The following KIAA1217 variants were observed in gnomAD, a reference collection of about 807,000 sequenced individuals.
KIAA1217 encodes KIAA1217, also known as sickle tail protein homolog.
Under a neutral mutation model 163.9 loss-of-function variants are expected in KIAA1217, and 88 were observed. That is an observed-to-expected ratio of 0.54 (90% confidence interval 0.45 to 0.64). KIAA1217 has a LOEUF of 0.64. KIAA1217 is among the 30% of genes least tolerant of loss of function. KIAA1217 has a pLI of 0.00. For missense variants in KIAA1217, 2,372 were observed against 2,475.0 expected (o/e 0.96, Z 0.88); for synonymous variants, 903 against 923.1 (o/e 0.98, Z 0.39).
chr10:23,827,797 C>T lies in KIAA1217; in HGVS notation c.-321+132563C>T, dbSNP rs548024039. On this transcript the variant is annotated intron_variant, in intron 1 of 18. Coordinates refer to the KIAA1217 transcript ENST00000376462. ...ACGACAGCCTGAAATTGCTGAGTAA[C>T]GGCACATGCAAAGCCATGACAACAA... Among the ~76,000 whole-genome samples, 14 of 152,272 alleles carry T rather than the reference C, an allele frequency of 9.2e-5. No individual in the cohort carries two copies. In the South Asian group the frequency reaches 1.4e-3, roughly 16 times the overall value.
intron 2 of KIAA1217, among the ~76,000 whole-genome samples, chr10:24,372,136 T>A (rs1297412630): frequency 6.6e-6 from 1 of 152,130 alleles, no homozygotes; most frequent in African/African-American, 2.4e-5. Context: ...TGGTCGAGGT[T>A]CTGCTGCTCA....
At chr10:24,203,896 G>C (rs114986912), upstream of KIAA1217, among the ~76,000 whole-genome samples, 644 of 152,340 alleles carry the variant, frequency 4.2e-3, 6 homozygotes, top group African/African-American at 0.015. Context: ...CCAGAGGGCA[G>C]AGCTGAGCGG....
intron 2 of KIAA1217, among the ~76,000 whole-genome samples, chr10:24,079,130 T>C (rs1288074063): frequency 6.6e-6 from 1 of 152,248 alleles, no homozygotes; most frequent in African/African-American, 2.4e-5. Flanking sequence ...CACCCTCCAT[T>C]ACTGGATTGA....
intron 6 of KIAA1217, among the ~76,000 whole-genome samples, chr10:24,483,774 A>G (rs1272120819): frequency 6.6e-6 from 1 of 152,186 alleles, no homozygotes; most frequent in East Asian, 1.9e-4. Context: ...CCTGTGCAAA[A>G]AATGAGATGT....
intron 1 of KIAA1217, among the ~76,000 whole-genome samples, chr10:23,944,367 G>T (rs1464747999): frequency 1.7e-5 from 2 of 116,880 alleles, no homozygotes; most frequent in Non-Finnish European, 3.3e-5. Flanking sequence ...AGAGGCTGCA[G>T]TGAGCGAGAT....
intron 2 of KIAA1217, among the ~76,000 whole-genome samples, chr10:24,116,090 G>A (rs2063040651): frequency 6.6e-6 from 1 of 152,072 alleles, no homozygotes; most frequent in Non-Finnish European, 1.5e-5. Context: ...CTCTGATTGT[G>A]TCATACTGCA....
At position 23,952,229 on chromosome 10, in the gene KIAA1217, C is replaced by T. The variant is rs563096425; in HGVS notation, c.-320-54996C>T. 1.5e-3 allele frequency among the ~76,000 whole-genome samples: 223 copies of T among 152,288 alleles called. 3 individuals carry two copies. Among genetic ancestry groups the T allele is most frequent in the African/African-American group, 4.9e-3 (203 of 41,568 alleles). On this transcript the variant is annotated intron_variant, in intron 1 of 18. Transcript: ENST00000376462. ...TTCCGCATGATGTCTTTGCCTTCTTCGGGAGACTTCATTTATCCTGGCCCA... is the reference window on the plus strand; with the variant it reads ...TTCCGCATGATGTCTTTGCCTTCTTTGGGAGACTTCATTTATCCTGGCCCA...
At chr10:24,011,636 C>G (rs1276807622) in intron 2 of KIAA1217, among the ~76,000 whole-genome samples, 4 of 152,112 alleles carry the variant, frequency 2.6e-5, no homozygotes, top group Non-Finnish European at 5.9e-5. Context: ...TCTCTTGAAG[C>G]AAAAGAAATC....
At chr10:23,783,513 T>C (rs1030810532) in intron 1 of KIAA1217, among the ~76,000 whole-genome samples, 7 of 152,298 alleles carry the variant, frequency 4.6e-5, no homozygotes, top group African/African-American at 1.7e-4. Context: ...AGATATTGAC[T>C]TATAGTTTTC....
At chr10:24,073,017 C>T (rs995366745) in intron 2 of KIAA1217, among the ~76,000 whole-genome samples, 39 of 151,128 alleles carry the variant, frequency 2.6e-4, no homozygotes, top group Non-Finnish European at 4.9e-4. Flanking sequence ...CAAGATCACG[C>T]CACTGCACTC....
chr10:24,266,322 G>A (rs1391788310), intron 2 of KIAA1217, among the ~76,000 whole-genome samples: 6 of 152,094 alleles, frequency 3.9e-5, no homozygotes, highest in East Asian at 1.9e-4. Flanking sequence ...CAGGTGATCC[G>A]CCAGCCTCAG....
chr10:24,204,042 T>C (rs1007760887), upstream of KIAA1217, among the ~76,000 whole-genome samples: 33 of 152,244 alleles, frequency 2.2e-4, no homozygotes, highest in African/African-American at 7.7e-4. Context: ...CATCAATGGG[T>C]TCTCTTAAAA....
At chr10:23,823,557 T>A (rs1588891564) in intron 1 of KIAA1217, among the ~76,000 whole-genome samples, 1 of 152,248 alleles carries the variant, frequency 6.6e-6, no homozygotes. Flanking sequence ...TTTAATGACA[T>A]CTGCAAAGTC....
chr10:24,529,888 C>G (rs1217198746), intron 14 of KIAA1217, among the ~76,000 whole-genome samples: 1 of 151,308 alleles, frequency 6.6e-6, no homozygotes, highest in Non-Finnish European at 1.5e-5. Flanking sequence ...ACCTCCGCCT[C>G]CTGGGTTCAA....
chr10:23,810,782 AC>A (rs1836981825), intron 1 of KIAA1217, among the ~76,000 whole-genome samples: 1 of 126,484 alleles, frequency 7.9e-6, no homozygotes, highest in Non-Finnish European at 1.6e-5. Flanking sequence ...TATACTAATT[AC>A]ACTAATTACT....
At chr10:23,963,132 A>G (rs1252886091) in intron 1 of KIAA1217, among the ~76,000 whole-genome samples, 2 of 152,194 alleles carry the variant, frequency 1.3e-5, no homozygotes, top group African/African-American at 4.8e-5. Flanking sequence ...TTTTAAATAC[A>G]TATTTTAAGT....
intron 5 of KIAA1217, among the ~76,000 whole-genome samples, chr10:24,461,202 T>C (rs1053082099): frequency 6.6e-6 from 1 of 152,084 alleles, no homozygotes; most frequent in Non-Finnish European, 1.5e-5. Flanking sequence ...GTATATCATA[T>C]CATCAAACTA....
chr10:24,142,364 A>G (rs2064123284), intron 2 of KIAA1217, among the ~76,000 whole-genome samples: 1 of 152,132 alleles, frequency 6.6e-6, no homozygotes, highest in South Asian at 2.1e-4. Context: ...TACATGATTC[A>G]TTGTTCTTAA....
At chr10:23,828,299 A>G (rs1474263478) in intron 1 of KIAA1217, among the ~76,000 whole-genome samples, 1 of 152,084 alleles carries the variant, frequency 6.6e-6, no homozygotes, top group Non-Finnish European at 1.5e-5. Context: ...GGTAGCCAGG[A>G]ACACATCCTC....
Sources: allele counts gnomAD v4.1 joint callset (sites outside exome capture counted in the v4.1 genomes callset), GRCh38; gene constraint gnomAD v4.1.1; transcripts MANE v1.5; gene names NCBI Gene and HGNC (gene_info 2026-07-23, HGNC 2026-07-21).